EYS: variants seen among roughly 807,000 people sequenced by gnomAD.
EYS encodes the protein EGF-like photoreceptor maintenance factor.
In EYS, 250 loss-of-function variants were observed where a neutral mutation model predicts 282.1. The ratio of observed to expected loss-of-function variants is 0.89; its 90% CI spans 0.80 to 0.98. The LOEUF is 0.98. EYS is among the 50% of genes least tolerant of loss of function. EYS has a pLI of 0.00. For missense variants in EYS, 4,016 were observed against 3,709.0 expected, an observed-to-expected ratio of 1.08 and a Z score of -2.15; for synonymous variants, 1,355 against 1,282.9, an observed-to-expected ratio of 1.06 and a Z score of -1.20.
Position 65,011,729 on chromosome 6 carries a change from A to C in EYS, c.2138-14026T>G, listed in dbSNP as rs927753916. ...GTGACCGCTTCCACCTTTAAACAAGAGGCTTGCAACTTAATTCACACACGA... is the reference window on the plus strand; with the variant it reads ...GTGACCGCTTCCACCTTTAAACAAGCGGCTTGCAACTTAATTCACACACGA... On this transcript the variant is annotated intron_variant, in intron 13 of 42. Transcript: ENST00000503581. Among the ~76,000 whole-genome samples the C allele has an allele frequency of 1.1e-4, 16 of 152,182 alleles. 1 individual carries two copies. The highest frequency in any genetic ancestry group is 3.9e-4 in the African/African-American group (16 of 41,432).
chr6:65,518,838 C>A (rs1032100133), intron 2 of EYS, among the ~76,000 whole-genome samples: 9 of 152,048 alleles, frequency 5.9e-5, no homozygotes, highest in Admixed American at 5.9e-4. Flanking sequence ...CTTTACACAA[C>A]ATCAGATCTG....
At chr6:65,335,960 G>A (rs73443154) in intron 10 of EYS, among the ~76,000 whole-genome samples, 10,713 of 151,612 alleles carry the variant, frequency 0.071, 848 homozygotes, top group African/African-American at 0.2. Flanking sequence ...CTGATACTGA[G>A]TGAGTTCTCC....
intron 1 of EYS, among the ~76,000 whole-genome samples, chr6:65,672,002 CCAG>C (rs1562320220): frequency 6.6e-6 from 1 of 152,046 alleles, no homozygotes; most frequent in Non-Finnish European, 1.5e-5. Flanking sequence ...ATCTTTCTCC[CCAG>C]CTCAGCATAA....
chr6:64,938,729 T>TCCCTTA (rs1768993228), intron 15 of EYS, among the ~76,000 whole-genome samples: 2 of 151,714 alleles, frequency 1.3e-5, no homozygotes, highest in Admixed American at 6.6e-5. Context: ...TAAGGGAGGC[T>TCCCTTA]AGGATAAGCT....
At chr6:64,809,916 CA>C (rs1227188816) in intron 22 of EYS, among the ~76,000 whole-genome samples, 1 of 151,974 alleles carries the variant, frequency 6.6e-6, no homozygotes, top group East Asian at 1.9e-4. Flanking sequence ...GCCTCAGCAT[CA>C]AGTAATTTAC....
At chr6:65,651,423 T>C (rs1054727484) in intron 1 of EYS, among the ~76,000 whole-genome samples, 1 of 152,096 alleles carries the variant, frequency 6.6e-6, no homozygotes, top group African/African-American at 2.4e-5. Flanking sequence ...ATTAATTCAA[T>C]AGTGTTTCTG....
At chr6:65,597,066 A>G (rs1210486927) in intron 2 of EYS, among the ~76,000 whole-genome samples, 1 of 152,128 alleles carries the variant, frequency 6.6e-6, no homozygotes, top group Non-Finnish European at 1.5e-5. Context: ...TGAACATTAT[A>G]TTAGAGACCA....
intron 11 of EYS, among the ~76,000 whole-genome samples, chr6:65,318,697 AG>A (rs1769384348): frequency 6.7e-6 from 1 of 150,310 alleles, no homozygotes; most frequent in African/African-American, 2.4e-5. Context: ...GCTGGAGTGC[AG>A]GGGCACGATC....
chr6:65,281,839 C>G (rs1191910135), intron 12 of EYS, among the ~76,000 whole-genome samples: 1 of 151,956 alleles, frequency 6.6e-6, no homozygotes, highest in Non-Finnish European at 1.5e-5. Context: ...AAATATGTCT[C>G]CTAGTTTTTA....
At chr6:64,137,875 T>C (rs1028143219) in intron 31 of EYS, among the ~76,000 whole-genome samples, 1 of 152,018 alleles carries the variant, frequency 6.6e-6, no homozygotes, top group African/African-American at 2.4e-5. Context: ...CCCATAGAAT[T>C]GCTGGTCACA....
chr6:65,692,479 T>G (rs1769279886), intron 1 of EYS, among the ~76,000 whole-genome samples: 1 of 150,312 alleles, frequency 6.7e-6, no homozygotes, highest in South Asian at 2.1e-4. Flanking sequence ...TAATTTGAGG[T>G]ACTTAGTTTA....
At chr6:64,010,402 G>C (rs536148115) in intron 33 of EYS, among the ~76,000 whole-genome samples, 11 of 150,510 alleles carry the variant, frequency 7.3e-5, no homozygotes, top group Admixed American at 2.6e-4. Flanking sequence ...TTGGGGGGGG[G>C]GGTGGTGGTG....
At position 64,439,183 on chromosome 6, in the gene EYS, A is replaced by C; in HGVS notation, c.5814T>G (p.Phe1938Leu). The C allele has an allele frequency of 6.8e-7, 1 of 1,471,298 alleles. No homozygotes were observed. Among genetic ancestry groups the C allele is most frequent in the Non-Finnish European group, 9.0e-7 (1 of 1,109,608 alleles). The allele number at this position is 1,471,298 out of a possible 1,614,324, so 91.1% of individuals were successfully genotyped here. A position where few individuals can be genotyped will look rare whatever the true frequency, so the allele number is the denominator to read the frequency against. Reference protein sequence around the residue: ...NLVDGFFIQLFIENGTLKYHF... With the variant: ...NLVDGFFIQLLIENGTLKYHF... ...TTACCTTTAAAGTACCATTTTCAAT[A>C]AACAATTGAATAAAAAATCCATCTA... Residue 1938 changes from phenylalanine to leucine, a missense_variant, in exon 27 of 43, where the codon TTT becomes TTG. Coordinates refer to ENST00000503581, the MANE Select transcript of EYS (RefSeq NM_001142800.2).
At chr6:64,421,435 T>C (rs1314118464) in intron 28 of EYS, among the ~76,000 whole-genome samples, 1 of 152,148 alleles carries the variant, frequency 6.6e-6, no homozygotes, top group African/African-American at 2.4e-5. Flanking sequence ...GTGGCTATGG[T>C]TGAAGGGGAG....
chr6:65,112,023 A>T (rs1775227191), intron 12 of EYS, among the ~76,000 whole-genome samples: 1 of 152,168 alleles, frequency 6.6e-6, no homozygotes, highest in Admixed American at 6.6e-5. Flanking sequence ...ATATGAGATA[A>T]CTAAGACTCT....
At chr6:65,064,196 C>G (rs1168830216) in intron 12 of EYS, among the ~76,000 whole-genome samples, 1 of 138,172 alleles carries the variant, frequency 7.2e-6, no homozygotes, top group South Asian at 2.2e-4. Flanking sequence ...ATATAGTATA[C>G]TATATATCAT....
chr6:63,901,448 G>A (rs1024650269), intron 35 of EYS, among the ~76,000 whole-genome samples: 2 of 152,116 alleles, frequency 1.3e-5, no homozygotes, highest in South Asian at 2.1e-4. Flanking sequence ...AAGGCCCCTA[G>A]AACTTTTTGA....
At chr6:65,306,181 C>G (rs536954546) in intron 11 of EYS, among the ~76,000 whole-genome samples, 42 of 152,184 alleles carry the variant, frequency 2.8e-4, no homozygotes, top group Non-Finnish European at 5.0e-4. Flanking sequence ...AGTTTTGTTT[C>G]TCATAGGGAA....
intron 29 of EYS, among the ~76,000 whole-genome samples, chr6:64,356,126 G>A (rs1265977079): frequency 6.6e-6 from 1 of 151,436 alleles, no homozygotes; most frequent in Non-Finnish European, 1.5e-5. Flanking sequence ...AAAATTACAT[G>A]TGGGGGGCTT....
Sources: allele counts gnomAD v4.1 joint callset (sites outside exome capture counted in the v4.1 genomes callset), GRCh38; gene constraint gnomAD v4.1.1; transcripts MANE v1.5; gene names NCBI Gene and HGNC (gene_info 2026-07-23, HGNC 2026-07-21).